Variants in NLGN4Y observed in about 807,000 individuals in gnomAD.
NLGN4Y encodes neuroligin 4 Y-linked, also known as neuroligin-4, Y-linked.
NLGN4Y carries 4 observed loss-of-function variants against 8.4 expected under a neutral mutation model. The observed-to-expected ratio is 0.48, with a 90% CI of 0.23 to 1.09. NLGN4Y has a LOEUF of 1.09. Ranked by LOEUF, NLGN4Y falls within the 50% of genes least tolerant of loss-of-function variation. NLGN4Y has a pLI of 0.19. For synonymous variants in NLGN4Y, 35 were observed against 75.6 expected (o/e 0.46, Z 2.78); for missense variants, 90 against 192.3 (o/e 0.47, Z 3.15).
At chrY:14,746,313 G>A (rs778611546) in intron 4 of NLGN4Y, among the ~76,000 whole-genome samples, 6 of 33,551 alleles carry the variant, frequency 1.8e-4, no homozygotes, top group African/African-American at 6.9e-4. Context: ...ATGGTTTCCA[G>A]TGGTGAAACC....
chrY:14,578,874 A>G, intron 1 of NLGN4Y, among the ~76,000 whole-genome samples: 1 of 34,296 alleles, frequency 2.9e-5, no homozygotes, highest in Non-Finnish European at 7.3e-5. Context: ...AGAAACTTTC[A>G]TTATTCTAAG....
chrY:14,628,205 TTTTG>T (rs2080535571), intron 2 of NLGN4Y, among the ~76,000 whole-genome samples: 1 of 34,100 alleles, frequency 2.9e-5, no homozygotes, highest in Non-Finnish European at 7.3e-5. Flanking sequence ...GAAATTCTGT[TTTTG>T]TTTGTTTGTT....
chrY:14,593,818 G>A (rs759412515), intron 1 of NLGN4Y, among the ~76,000 whole-genome samples: 2 of 33,371 alleles, frequency 6.0e-5, no homozygotes, highest in South Asian at 1.4e-3. Flanking sequence ...TGCCCTTTCA[G>A]ATTGTCCTTC....
intron 1 of NLGN4Y, among the ~76,000 whole-genome samples, chrY:14,551,940 G>A (rs2080194562): frequency 3.0e-5 from 1 of 33,486 alleles, no homozygotes; most frequent in Non-Finnish European, 7.4e-5. Flanking sequence ...TTGTAGCAGA[G>A]CAGAAGGAAA....
At chrY:14,535,427 A>C (rs570405376) in intron 1 of NLGN4Y, among the ~76,000 whole-genome samples, 2,707 of 32,764 alleles carry the variant, frequency 0.083, no homozygotes, top group Non-Finnish European at 0.03. Flanking sequence ...CTTGACCATT[A>C]GGAAGGTCAA....
At chrY:14,537,590 C>T in intron 1 of NLGN4Y, among the ~76,000 whole-genome samples, 1 of 33,368 alleles carries the variant, frequency 3.0e-5, no homozygotes. Context: ...TCCTCCCTTC[C>T]TCTCCCCATC....
At chrY:14,786,132 T>G in intron 4 of NLGN4Y, among the ~76,000 whole-genome samples, 1 of 33,602 alleles carries the variant, frequency 3.0e-5, no homozygotes, top group Non-Finnish European at 7.3e-5. Flanking sequence ...CCAGAGATAC[T>G]GTTAAGCCAC....
chrY:14,820,712 G>A (rs2043119118), intron 4 of NLGN4Y, among the ~76,000 whole-genome samples: 3 of 33,476 alleles, frequency 9.0e-5, no homozygotes, highest in Non-Finnish European at 2.2e-4. Flanking sequence ...TCAGAGAAGA[G>A]AGGCAGTAGG....
chrY:14,528,830 G>T, intron 1 of NLGN4Y, among the ~76,000 whole-genome samples: 5 of 33,703 alleles, frequency 1.5e-4, no homozygotes, highest in Admixed American at 1.1e-3. Flanking sequence ...TATTGCTAAT[G>T]AAATGATCTA....
At position 14,824,329 on chromosome Y, in the gene NLGN4Y, G is replaced by A. The variant is rs1187676539; in HGVS notation, c.827G>A (p.Gly276Glu). 2.5e-6 allele frequency: 1 copy of A among 398,630 alleles called. No homozygotes were observed. ...KRVTIFGSGA[G>E]ASCVSLLTLS... is the part of the protein sequence containing the mutation. ...GTGACTATCTTTGGCTCGGGGGCTG[G>A]GGCCTCCTGTGTCAGCCTGTTGACC... The change falls in exon 5 of 7, where the codon GGG becomes GAG. Residue 276 changes from glycine to glutamate, a missense_variant. By Grantham distance (98) the Gly-to-Glu change is moderately conservative (BLOSUM62 -2). Coordinates refer to ENST00000684976, the MANE Select transcript of NLGN4Y (RefSeq NM_001365588.1).
chrY:14,538,224 T>C (rs2080139029), intron 1 of NLGN4Y, among the ~76,000 whole-genome samples: 1 of 33,790 alleles, frequency 3.0e-5, no homozygotes, highest in African/African-American at 1.2e-4. Context: ...GGAAATGGAG[T>C]CACAGAAAGT....
intron 1 of NLGN4Y, among the ~76,000 whole-genome samples, chrY:14,540,210 C>A: frequency 3.2e-5 from 1 of 31,543 alleles, no homozygotes; most frequent in Non-Finnish European, 7.7e-5. Flanking sequence ...AGCCGCCTGG[C>A]AGTTCAAACT....
chrY:14,567,104 TG>T, intron 1 of NLGN4Y, among the ~76,000 whole-genome samples: 1 of 33,698 alleles, frequency 3.0e-5, no homozygotes, highest in Non-Finnish European at 7.3e-5. Context: ...GTTAGATATA[TG>T]TGTTATTTTG....
At chrY:14,658,854 C>T in intron 2 of NLGN4Y, among the ~76,000 whole-genome samples, 1 of 33,394 alleles carries the variant, frequency 3.0e-5, no homozygotes, top group African/African-American at 1.2e-4. Context: ...TAAAAACCGA[C>T]ATTTATTTCA....
At position 14,578,963 on chromosome Y, in the gene NLGN4Y, A is replaced by G. The variant is rs1037179712; in HGVS notation, c.-111-43046A>G. Among the ~76,000 whole-genome samples, 4 of 34,350 alleles carry G rather than the reference A, an allele frequency of 1.2e-4. No homozygotes were observed. The South Asian group carries it at 2.6e-3, about 22-fold the overall frequency. 92.2% of individuals were successfully genotyped at this position (34,350 alleles called of 37,273 possible). A position where few individuals can be genotyped will look rare whatever the true frequency, so the allele number is the denominator to read the frequency against. Reference sequence around the variant, plus strand: ...AGGCAGAGTCAAAGCATTTACGCTGATGTATCATTTCAAAAAATTTACCTT... The same window carrying G: ...AGGCAGAGTCAAAGCATTTACGCTGGTGTATCATTTCAAAAAATTTACCTT... On this transcript the variant is annotated intron_variant, in intron 1 of 6. Coordinates refer to ENST00000684976, the MANE Select transcript of NLGN4Y (RefSeq NM_001365588.1).
chrY:14,735,963 G>C (rs1034233863), intron 4 of NLGN4Y, among the ~76,000 whole-genome samples: 1 of 32,946 alleles, frequency 3.0e-5, no homozygotes, highest in African/African-American at 1.2e-4. Context: ...GGAATTTGGG[G>C]TTAGAACCCA....
chrY:14,776,044 CA>C (rs2081124342), intron 4 of NLGN4Y, among the ~76,000 whole-genome samples: 2 of 31,842 alleles, frequency 6.3e-5, no homozygotes, highest in Admixed American at 3.1e-4. Flanking sequence ...CTCTGCAAAC[CA>C]AAAAAATGAA....
intron 1 of NLGN4Y, among the ~76,000 whole-genome samples, chrY:14,618,874 G>T: frequency 3.0e-5 from 1 of 33,567 alleles, no homozygotes; most frequent in African/African-American, 1.2e-4. Flanking sequence ...CATTATCATT[G>T]TGCTGAGATG....
intron 1 of NLGN4Y, among the ~76,000 whole-genome samples, chrY:14,614,848 G>A (rs2080482311): frequency 3.0e-5 from 1 of 33,071 alleles, no homozygotes; most frequent in Non-Finnish European, 7.4e-5. Flanking sequence ...TTGTAGTATA[G>A]TTTGAAGTCA....
Sources: allele counts gnomAD v4.1 joint callset (sites outside exome capture counted in the v4.1 genomes callset), GRCh38; gene constraint gnomAD v4.1.1; transcripts MANE v1.5; gene names NCBI Gene and HGNC (gene_info 2026-07-23, HGNC 2026-07-21).